The following ARK2N variants were observed in gnomAD, a reference collection of about 807,000 sequenced individuals.
ARK2N encodes the protein arkadia (RNF111) N-terminal like PKA signaling regulator 2N.
At chr18:46,175,438 A>G in the ARK2N span, among the ~76,000 whole-genome samples, 1 of 152,150 alleles carries the variant, frequency 6.6e-6, no homozygotes, top group Non-Finnish European at 1.5e-5. Flanking sequence ...GATGGAAGCT[A>G]TTAACTTTCT....
chr18:46,205,019 C>T, the ARK2N span, among the ~76,000 whole-genome samples: 1 of 151,690 alleles, frequency 6.6e-6, no homozygotes, highest in African/African-American at 2.4e-5. Flanking sequence ...TCTCGGCTCA[C>T]TGCAACTTCT....
At chr18:46,242,997 A>G in the ARK2N span, among the ~76,000 whole-genome samples, 1 of 152,218 alleles carries the variant, frequency 6.6e-6, no homozygotes, top group African/African-American at 2.4e-5. Context: ...AATTTTGTGT[A>G]GGTTTCTGTA....
chr18:46,214,522 T>C, the ARK2N span, among the ~76,000 whole-genome samples: 300 of 152,350 alleles, frequency 2.0e-3, no homozygotes, highest in Non-Finnish European at 2.7e-3. Flanking sequence ...AAAATTGGTT[T>C]TGTTAAATGT....
chr18:46,246,122 G>GCCCT, the ARK2N span, among the ~76,000 whole-genome samples: 1 of 152,154 alleles, frequency 6.6e-6, no homozygotes, highest in South Asian at 2.1e-4. Context: ...TCTTAGAACT[G>GCCCT]GAAAAGATTA....
chr18:46,219,473 C>CTTT, the ARK2N span, among the ~76,000 whole-genome samples: 2 of 138,852 alleles, frequency 1.4e-5, no homozygotes, highest in African/African-American at 5.3e-5. Flanking sequence ...CAAGTGATTT[C>CTTT]TTTTTTTTTT....
chr18:46,233,483 C>A, the ARK2N span, among the ~76,000 whole-genome samples: 1 of 152,138 alleles, frequency 6.6e-6, no homozygotes, highest in African/African-American at 2.4e-5. Context: ...TTTATAGCTT[C>A]TCTTAAATAT....
At chr18:46,207,388 CTTTT>C in the ARK2N span, among the ~76,000 whole-genome samples, 448 of 115,900 alleles carry the variant, frequency 3.9e-3, no homozygotes, top group Admixed American at 8.4e-3. Context: ...AGTTTCTATA[CTTTT>C]TTTTTTTTTT....
the ARK2N span, among the ~76,000 whole-genome samples, chr18:46,182,793 T>C: frequency 1.3e-5 from 2 of 150,814 alleles, no homozygotes; most frequent in African/African-American, 4.9e-5. Context: ...AGTAGTAATA[T>C]CTGCAATATG....
the ARK2N span, among the ~76,000 whole-genome samples, chr18:46,202,867 G>C: frequency 1.3e-5 from 2 of 151,620 alleles, no homozygotes; most frequent in African/African-American, 4.8e-5. Context: ...TTTTCTGTTG[G>C]AGACTGAAAT....
the ARK2N span, among the ~76,000 whole-genome samples, chr18:46,199,351 G>T: frequency 6.6e-6 from 1 of 151,744 alleles, no homozygotes; most frequent in African/African-American, 2.4e-5. Flanking sequence ...ATCTCTCGCT[G>T]TTGCCCAGGC....
the ARK2N span, among the ~76,000 whole-genome samples, chr18:46,179,378 CT>C: frequency 6.6e-6 from 1 of 152,190 alleles, no homozygotes; most frequent in Non-Finnish European, 1.5e-5. Flanking sequence ...TTGAGTTTGA[CT>C]GTTGTCATGA....
chr18:46,266,026 C>G, the ARK2N span: 1 of 152,162 alleles, frequency 6.6e-6, no homozygotes, highest in African/African-American at 2.4e-5. Flanking sequence ...CAGTAATTGT[C>G]TTTTCATTTT....
the ARK2N span, among the ~76,000 whole-genome samples, chr18:46,254,119 G>T: frequency 6.6e-6 from 1 of 152,088 alleles, no homozygotes; most frequent in Admixed American, 6.5e-5. Context: ...TTTCATTTAA[G>T]GCAGAAGTAT....
At chr18:46,187,573 C>T in the ARK2N span, among the ~76,000 whole-genome samples, 2 of 152,064 alleles carry the variant, frequency 1.3e-5, no homozygotes, top group African/African-American at 4.8e-5. Flanking sequence ...AACTCCCTAC[C>T]TCAGGTGATC....
At chr18:46,224,558 A>C in the ARK2N span, among the ~76,000 whole-genome samples, 1 of 152,124 alleles carries the variant, frequency 6.6e-6, no homozygotes, top group African/African-American at 2.4e-5. Context: ...GGGAGCTTAA[A>C]CCGAAACAAA....
chr18:46,212,753 T>A, the ARK2N span, among the ~76,000 whole-genome samples: 3 of 152,204 alleles, frequency 2.0e-5, no homozygotes, highest in Non-Finnish European at 2.9e-5. Context: ...CATTTTTTTT[T>A]AACAGGGAAA....
chr18:46,232,327 A>G, the ARK2N span: 1 of 152,182 alleles, frequency 6.6e-6, no homozygotes, highest in African/African-American at 2.4e-5. Flanking sequence ...TGTACCTTTT[A>G]TATTTTATTT....
chr18:46,190,259 C>G, the ARK2N span, among the ~76,000 whole-genome samples: 1 of 152,108 alleles, frequency 6.6e-6, no homozygotes, highest in Non-Finnish European at 1.5e-5. Context: ...GTGGCTCACG[C>G]CTGTAATCCC....
chr18:46,219,376 G>A, the ARK2N span: 1 of 152,028 alleles, frequency 6.6e-6, no homozygotes, highest in African/African-American at 2.4e-5. Context: ...TGAGTAAAGG[G>A]CATTTTATAG....
Sources: gnomAD v4.1 joint callset for allele counts (sites outside exome capture counted in the v4.1 genomes callset) on GRCh38, gnomAD v4.1.1 for gene constraint, MANE v1.5 for transcripts, NCBI Gene and HGNC (gene_info 2026-07-23, HGNC 2026-07-21) for gene names.